The following ITGB1 variants were observed in gnomAD, a reference collection of about 807,000 sequenced individuals.
ITGB1 encodes integrin beta-1.
Under a neutral mutation model 86.5 loss-of-function variants are expected in ITGB1, and 24 were observed. The observed-to-expected ratio is 0.28, with a 90% CI of 0.20 to 0.39. The LOEUF is 0.39. Ranked by LOEUF, ITGB1 falls within the 10% of genes least tolerant of loss-of-function variation. The pLI is 1.00. For synonymous variants in ITGB1, 323 were observed against 316.8 expected, an observed-to-expected ratio of 1.02 and a Z score of -0.21; for missense variants, 556 against 946.9, an observed-to-expected ratio of 0.59 and a Z score of 5.42.
intron 11 of ITGB1, among the ~76,000 whole-genome samples, chr10:32,914,009 AT>A (rs2094923250): frequency 1.3e-5 from 2 of 152,238 alleles, no homozygotes; most frequent in African/African-American, 4.8e-5. Context: ...GGGGGCCAAT[AT>A]TTAACATTCT....
At chr10:32,907,761 T>G (rs2094900951) in intron 15 of ITGB1, among the ~76,000 whole-genome samples, 2 of 151,790 alleles carry the variant, frequency 1.3e-5, no homozygotes, top group Admixed American at 1.3e-4. Context: ...TGGGCCACAC[T>G]GGAAGAAGAA....
At chr10:32,909,259 CT>C (rs1195435842) in intron 14 of ITGB1, among the ~76,000 whole-genome samples, 2 of 152,204 alleles carry the variant, frequency 1.3e-5, no homozygotes, top group East Asian at 1.9e-4. Flanking sequence ...AAAAGACAGT[CT>C]TTTTTCAACA....
intron 2 of ITGB1, chr10:32,933,211 A>G (rs2094989823): frequency 6.6e-6 from 1 of 152,140 alleles, no homozygotes; most frequent in African/African-American, 2.4e-5. Context: ...ACAGAGAGAC[A>G]TAAGTTATCT....
chr10:32,912,194 C>G, intron 11 of ITGB1, 70 bp from the exon 12 acceptor site: 1 of 1,288,958 alleles, frequency 7.8e-7, no homozygotes, highest in Non-Finnish European at 1.1e-6. Context: ...GATGGCCAAA[C>G]AGGAACAGCT....
intron 1 of ITGB1, among the ~76,000 whole-genome samples, chr10:32,936,730 C>T (rs913714008): frequency 1.4e-4 from 22 of 152,186 alleles, no homozygotes; most frequent in Admixed American, 1.0e-3. Flanking sequence ...AAGATGGCTA[C>T]GGCCACTGGT....
At chr10:32,906,546 C>A (rs1051040471) in intron 15 of ITGB1, 3 of 202,932 alleles carry the variant, frequency 1.5e-5, no homozygotes, top group African/African-American at 2.4e-5. Context: ...GCTGATATCA[C>A]ACCACTGCAC....
At position 32,955,498 on chromosome 10, in the gene ITGB1, A is replaced by G. The variant is rs2095050534; in HGVS notation, c.-1+2647T>C. On this transcript the variant is annotated intron_variant, in intron 1 of 15. Transcript: ENST00000302278. ...AGCATAGTTAAGGGCAAACCAGAGC[A>G]GCTACAGAATATTAATGAATATGTT... 5 of 152,342 alleles carry G rather than the reference A, an allele frequency of 3.3e-5. No homozygotes were observed. The South Asian group carries it at 1.0e-3, about 32-fold the overall frequency. The allele number at this position is 152,342 out of a possible 1,614,324, so 9.4% of individuals were successfully genotyped here.
intron 13 of ITGB1, 113 bp from the exon 14 acceptor site, chr10:32,910,568 A>C (rs2137168349): frequency 4.4e-4 from 274 of 627,566 alleles, no homozygotes; most frequent in Non-Finnish European, 8.1e-6. Context: ...AACAGCTATG[A>C]AGGAAGATTT....
At chr10:32,912,798 G>C (rs1174150476) in intron 11 of ITGB1, among the ~76,000 whole-genome samples, 2 of 152,232 alleles carry the variant, frequency 1.3e-5, no homozygotes, top group Admixed American at 6.5e-5. Context: ...GTGTCTGACA[G>C]CTTTGAAGAG....
chr10:32,957,152 A>G (rs2095054003), intron 1 of ITGB1, among the ~76,000 whole-genome samples: 1 of 152,232 alleles, frequency 6.6e-6, no homozygotes, highest in Admixed American at 6.5e-5. Flanking sequence ...TATTATAAAA[A>G]TGAATTATTA....
chr10:32,905,780 G>A (rs529261697), intron 15 of ITGB1, among the ~76,000 whole-genome samples: 1 of 152,330 alleles, frequency 6.6e-6, no homozygotes, highest in South Asian at 2.1e-4. Context: ...TTTTATGTAA[G>A]TGTTCCCAAT....
chr10:32,925,275 G>A (rs2094961274), intron 6 of ITGB1, among the ~76,000 whole-genome samples: 1 of 152,108 alleles, frequency 6.6e-6, no homozygotes, highest in African/African-American at 2.4e-5. Context: ...CAATAGGGAT[G>A]GGCTTGCTAC....
chr10:32,909,556 G>T (rs1419920187), intron 14 of ITGB1, among the ~76,000 whole-genome samples: 1 of 152,120 alleles, frequency 6.6e-6, no homozygotes, highest in African/African-American at 2.4e-5. Context: ...GGAGACACAG[G>T]CTGGGAGACA....
intron 12 of ITGB1, 63 bp from the exon 13 acceptor site, chr10:32,911,733 A>G (rs1378708498): frequency 6.4e-7 from 1 of 1,556,082 alleles, no homozygotes; most frequent in Admixed American, 1.7e-5. Context: ...TTGACTGAAA[A>G]GTAAAATAAG....
intron 3 of ITGB1, among the ~76,000 whole-genome samples, chr10:32,931,525 GT>G (rs1308121495): frequency 6.6e-6 from 1 of 152,108 alleles, no homozygotes; most frequent in Non-Finnish European, 1.5e-5. Flanking sequence ...AAGAGCTTCA[GT>G]TACATAAGCC....
chr10:32,924,063 A>G (rs1311335668), intron 6 of ITGB1, among the ~76,000 whole-genome samples: 1 of 152,198 alleles, frequency 6.6e-6, no homozygotes, highest in East Asian at 1.9e-4. Flanking sequence ...AAGCCAGCAC[A>G]CTGCTTGGCA....
intron 15 of ITGB1, among the ~76,000 whole-genome samples, chr10:32,908,128 A>G (rs1787768174): frequency 6.6e-6 from 1 of 152,228 alleles, no homozygotes; most frequent in South Asian, 2.1e-4. Context: ...TAAAGAAATA[A>G]AAATACTGGC....
chr10:32,907,615 C>T (rs917398419), intron 15 of ITGB1, among the ~76,000 whole-genome samples: 9 of 152,124 alleles, frequency 5.9e-5, no homozygotes, highest in Non-Finnish European at 1.3e-4. Context: ...CCTTACGCCC[C>T]TCTGTGGTCA....
intron 14 of ITGB1, among the ~76,000 whole-genome samples, chr10:32,909,606 G>A (rs2094906959): frequency 6.6e-6 from 1 of 152,094 alleles, no homozygotes; most frequent in African/African-American, 2.4e-5. Flanking sequence ...AAAACAGTAT[G>A]GGAGTCTAAG....
Sources: allele counts gnomAD v4.1 joint callset (sites outside exome capture counted in the v4.1 genomes callset), GRCh38; gene constraint gnomAD v4.1.1; transcripts MANE v1.5; gene names NCBI Gene and HGNC (gene_info 2026-07-23, HGNC 2026-07-21).